Variants in AEBP2 observed in about 807,000 individuals in gnomAD.
AEBP2 encodes zinc finger protein AEBP2.
AEBP2 carries 10 observed loss-of-function variants against 50.8 expected under a neutral mutation model. The ratio of observed to expected loss-of-function variants is 0.20; its 90% CI spans 0.12 to 0.33. AEBP2 has a LOEUF of 0.33. Ranked by LOEUF, AEBP2 falls within the 10% of genes least tolerant of loss-of-function variation. The pLI is 1.00. For missense variants in AEBP2, 570 were observed against 688.0 expected (o/e 0.83, Z 1.92); for synonymous variants, 296 against 261.3 (o/e 1.13, Z -1.28).
chr12:19,414,741 G>A (rs1592702999), intron 1 of AEBP2, among the ~76,000 whole-genome samples: 1 of 152,040 alleles, frequency 6.6e-6, no homozygotes, highest in African/African-American at 2.4e-5. Flanking sequence ...TGGCCAACAT[G>A]GTCAAACCTC....
chr12:19,473,375 A>AAATTAATTAATTAATT lies in AEBP2; in HGVS notation c.987+24_987+25insAATTAATTAATTAATT, dbSNP rs199934534. 7.7e-6 allele frequency: 2 copies of AAATTAATTAATTAATT among 260,714 alleles called. No individual in the cohort carries two copies. The highest frequency in any genetic ancestry group is 9.1e-5 in the East Asian group (1 of 10,968). The allele number at this position is 260,714 out of a possible 1,614,324, so 16.2% of individuals were successfully genotyped here. On this transcript the variant is annotated intron_variant, in intron 3 of 7. Transcript: ENST00000266508. ...TTCAAGGTAAGGATGCATGTATATAAAATTTATTTATTTATTTATTTATTT... is the reference window on the plus strand; with the variant it reads ...TTCAAGGTAAGGATGCATGTATATAAAATTAATTAATTAATTAATTTATTTATTTATTTATTTATTT...
At chr12:19,418,389 C>CTTT (rs372043971) in intron 1 of AEBP2, among the ~76,000 whole-genome samples, 1,237 of 94,662 alleles carry the variant, frequency 0.013, 8 homozygotes, top group Non-Finnish European at 0.017. Flanking sequence ...CTATGCCTGG[C>CTTT]TTTTTTTTTT....
intron 1 of AEBP2, chr12:19,440,660 C>A: frequency 6.5e-7 from 1 of 1,532,018 alleles, no homozygotes; most frequent in Non-Finnish European, 8.7e-7. Flanking sequence ...CGGAAACAGT[C>A]CCCAAACGGG....
At chr12:19,504,466 T>C (rs923443539) in intron 5 of AEBP2, among the ~76,000 whole-genome samples, 1 of 151,884 alleles carries the variant, frequency 6.6e-6, no homozygotes, top group Non-Finnish European at 1.5e-5. Context: ...GCTCTCGATC[T>C]CCTGACCTTG....
At chr12:19,432,341 C>T (rs1260166078) in intron 1 of AEBP2, among the ~76,000 whole-genome samples, 2 of 152,112 alleles carry the variant, frequency 1.3e-5, no homozygotes, top group African/African-American at 4.8e-5. Flanking sequence ...TCGGGGTTCC[C>T]CTAACACAAT....
chr12:19,417,196 C>T (rs1005161341), intron 1 of AEBP2, among the ~76,000 whole-genome samples: 2 of 151,936 alleles, frequency 1.3e-5, no homozygotes, highest in South Asian at 2.1e-4. Context: ...ATAAAAATGC[C>T]TCATAATTTC....
At chr12:19,432,804 T>A (rs1565699708) in intron 1 of AEBP2, among the ~76,000 whole-genome samples, 1 of 152,026 alleles carries the variant, frequency 6.6e-6, no homozygotes. Context: ...TTTGACTTAG[T>A]GAGAGACCCT....
intron 2 of AEBP2, among the ~76,000 whole-genome samples, chr12:19,470,156 T>C (rs1431402358): frequency 6.9e-6 from 1 of 144,562 alleles, no homozygotes; most frequent in Non-Finnish European, 1.5e-5. Flanking sequence ...TGTGGATCTT[T>C]CTTTTTTCTT....
At chr12:19,457,512 G>T (rs1286800968) in intron 1 of AEBP2, 1 of 1,486,076 alleles carries the variant, frequency 6.7e-7, no homozygotes, top group Non-Finnish European at 9.0e-7. Context: ...CATCTCAGCA[G>T]CCTCCTTCTC....
chr12:19,458,810 G>T (rs570789845), intron 1 of AEBP2, among the ~76,000 whole-genome samples: 3 of 152,190 alleles, frequency 2.0e-5, no homozygotes, highest in Admixed American at 2.0e-4. Flanking sequence ...GGTTAAAATG[G>T]TATAAAAGGG....
Position 19,439,972 on chromosome 12 carries a change from C to G in AEBP2, c.273C>G (p.Ser91Arg). ...TMSEPSPESA[S>R]QAGEDEDEEE... ...CGGAGCCGAGCCCCGAGAGCGCCAGCCAGGCCGGGGAGGACGAAGACGAGG... is the reference window on the plus strand; with the variant it reads ...CGGAGCCGAGCCCCGAGAGCGCCAGGCAGGCCGGGGAGGACGAAGACGAGG... Residue 91 changes from serine to arginine, a missense_variant, in exon 1 of 8, where the codon AGC becomes AGG. Ser to Arg is a moderately radical substitution (Grantham distance 110, BLOSUM62 -1). Coordinates refer to ENST00000266508, the MANE Select transcript of AEBP2 (RefSeq NM_153207.5). The G allele has an allele frequency of 6.6e-7, 1 of 1,520,648 alleles. No individual in the cohort carries two copies. Among genetic ancestry groups the G allele is most frequent in the Non-Finnish European group, 8.8e-7 (1 of 1,140,632 alleles). The allele number at this position is 1,520,648 out of a possible 1,614,324, so 94.2% of individuals were successfully genotyped here.
chr12:19,503,326 TTGG>T (rs750299604), intron 5 of AEBP2, among the ~76,000 whole-genome samples: 39 of 149,014 alleles, frequency 2.6e-4, no homozygotes, highest in Middle Eastern at 3.5e-3. Flanking sequence ...GATGTATTCC[TTGG>T]TGTGTGTGTG....
At position 19,439,695 on chromosome 12, in the gene AEBP2, C is replaced by G. The variant is rs769309232; in HGVS notation, c.-5C>G. On this transcript the variant is annotated 5_prime_UTR_variant, in exon 1 of 8. Transcript: ENST00000266508. ...GGAGGAGGAGGAGGAGGAGCAGGCG[C>G]CGCCATGGCCGCCGCTATCACCGAC... 2 of 1,507,028 alleles carry G rather than the reference C, an allele frequency of 1.3e-6. No individual in the cohort carries two copies. Among genetic ancestry groups the G allele is most frequent in the South Asian group, 1.2e-5 (1 of 82,684 alleles). The allele number at this position is 1,507,028 out of a possible 1,614,324, so 93.4% of individuals were successfully genotyped here. A position where few individuals can be genotyped will look rare whatever the true frequency, so the allele number is the denominator to read the frequency against.
chr12:19,501,667 T>C (rs1335994505), intron 5 of AEBP2, among the ~76,000 whole-genome samples: 4 of 151,796 alleles, frequency 2.6e-5, no homozygotes, highest in Non-Finnish European at 5.9e-5. Flanking sequence ...ACACTAAATT[T>C]GGGTTACTTT....
intron 1 of AEBP2, among the ~76,000 whole-genome samples, chr12:19,421,887 C>T (rs149520856): frequency 2.6e-5 from 4 of 152,160 alleles, no homozygotes; most frequent in African/African-American, 9.6e-5. Context: ...TGGTGGCTCT[C>T]GCCTGTAATC....
intron 1 of AEBP2, among the ~76,000 whole-genome samples, chr12:19,409,401 TAA>T (rs1210595130): frequency 6.7e-6 from 1 of 148,808 alleles, no homozygotes; most frequent in Non-Finnish European, 1.5e-5. Context: ...CTTGGAAAAA[TAA>T]AAAAAGAGAG....
chr12:19,509,040 G>T, intron 5 of AEBP2: 1 of 584,724 alleles, frequency 1.7e-6, no homozygotes, highest in Non-Finnish European at 3.3e-6. Flanking sequence ...AAATCTGCAT[G>T]TGGCATGTGC....
At chr12:19,421,595 A>G (rs1261998118) in intron 1 of AEBP2, among the ~76,000 whole-genome samples, 1 of 152,102 alleles carries the variant, frequency 6.6e-6, no homozygotes, top group Non-Finnish European at 1.5e-5. Flanking sequence ...GCACTCCAAC[A>G]TGGATTACAG....
At chr12:19,474,338 C>A (rs560956156) in intron 3 of AEBP2, among the ~76,000 whole-genome samples, 4 of 152,094 alleles carry the variant, frequency 2.6e-5, no homozygotes, top group African/African-American at 9.7e-5. Flanking sequence ...AATACTGTGC[C>A]AGTTATTTCC....
Sources: allele counts gnomAD v4.1 joint callset (sites outside exome capture counted in the v4.1 genomes callset), GRCh38; gene constraint gnomAD v4.1.1; transcripts MANE v1.5; gene names NCBI Gene and HGNC (gene_info 2026-07-23, HGNC 2026-07-21).